Variants in STOX2 observed in about 807,000 individuals in gnomAD.
The protein encoded by STOX2 is storkhead-box protein 2.
STOX2 carries 28 observed loss-of-function variants against 60.9 expected under a neutral mutation model. The observed-to-expected ratio is 0.46, with a 90% CI of 0.34 to 0.63. The LOEUF is 0.63. Ranked by LOEUF, STOX2 falls within the 30% of genes least tolerant of loss-of-function variation. The probability of loss-of-function intolerance (pLI) is 0.01; values close to 1 mark genes in which losing one functional copy is unlikely to be tolerated. For synonymous variants in STOX2, 472 were observed against 463.9 expected, an observed-to-expected ratio of 1.02 and a Z score of -0.22; for missense variants, 1,024 against 1,187.7, an observed-to-expected ratio of 0.86 and a Z score of 2.03.
At chr4:183,838,690 C>A (rs186115473) in intron 1 of STOX2, among the ~76,000 whole-genome samples, 1 of 152,184 alleles carries the variant, frequency 6.6e-6, no homozygotes, top group Non-Finnish European at 1.5e-5. Context: ...AACTGTGCTT[C>A]CCATTCCAGG....
chr4:183,984,262 GA>G (rs1732762149), intron 1 of STOX2, among the ~76,000 whole-genome samples: 1 of 152,190 alleles, frequency 6.6e-6, no homozygotes, highest in Non-Finnish European at 1.5e-5. Flanking sequence ...CCAGATTCTA[GA>G]ACAAGTTGGC....
intron 2 of STOX2, among the ~76,000 whole-genome samples, chr4:184,002,160 A>T (rs1733619120): frequency 6.6e-6 from 1 of 152,140 alleles, no homozygotes; most frequent in Non-Finnish European, 1.5e-5. Context: ...GACAATCTGG[A>T]AATTTGGTCT....
At chr4:183,871,261 C>G (rs1740683653) in intron 1 of STOX2, among the ~76,000 whole-genome samples, 1 of 152,184 alleles carries the variant, frequency 6.6e-6, no homozygotes, top group African/African-American at 2.4e-5. Flanking sequence ...AATAAGAATT[C>G]TTTGTCCTCT....
At chr4:184,006,780 G>A (rs186523915) in intron 2 of STOX2, among the ~76,000 whole-genome samples, 1,732 of 150,946 alleles carry the variant, frequency 0.011, 18 homozygotes, top group Non-Finnish European at 0.018. Context: ...ACTTTGGGAG[G>A]CCGAGGCGGG....
intron 1 of STOX2, among the ~76,000 whole-genome samples, chr4:183,936,272 G>A (rs1742587630): frequency 6.6e-6 from 1 of 152,128 alleles, no homozygotes; most frequent in Admixed American, 6.5e-5. Flanking sequence ...CTGTGCTGGG[G>A]AAGCTATAGC....
At chr4:183,972,825 C>T (rs1172982383) in intron 1 of STOX2, among the ~76,000 whole-genome samples, 2 of 151,578 alleles carry the variant, frequency 1.3e-5, no homozygotes, top group Non-Finnish European at 2.9e-5. Context: ...ACTGAGGTGT[C>T]ACAGATGTTG....
chr4:183,972,128 G>A (rs531224888), intron 1 of STOX2, among the ~76,000 whole-genome samples: 2 of 152,276 alleles, frequency 1.3e-5, no homozygotes, highest in African/African-American at 4.8e-5. Flanking sequence ...CCTGCACAGC[G>A]GCGTAGGGCT....
At position 183,943,649 on chromosome 4, in the gene STOX2, C is replaced by T. The variant is rs576479436; in HGVS notation, c.166+36693C>T. Among the ~76,000 whole-genome samples, 8 of 152,302 alleles carry T rather than the reference C, an allele frequency of 5.3e-5. No homozygotes were observed. In the East Asian group the frequency reaches 1.5e-3, roughly 29 times the overall value. Reference sequence around the variant, plus strand: ...TTAAAAAAGAAATCTCAGGCCAAGGCAGGCAAATCACGAGGTCAGGAGTTC... The same window carrying T: ...TTAAAAAAGAAATCTCAGGCCAAGGTAGGCAAATCACGAGGTCAGGAGTTC... On this transcript the variant is annotated intron_variant, in intron 1 of 3. Transcript: ENST00000308497.
At chr4:183,910,130 GT>G (rs1343552158) in intron 1 of STOX2, among the ~76,000 whole-genome samples, 2 of 152,204 alleles carry the variant, frequency 1.3e-5, no homozygotes, top group Non-Finnish European at 2.9e-5. Flanking sequence ...CCCAGTGGTG[GT>G]TTCTGGGCAG....
rs1219165260 is a variant in STOX2, at chr4:184,018,134, A to G, written c.*850A>G. ...TGGACTTGTAAAAGGTGTTACTCAAATATTGAAGGAAGAGAATTTCCTCCT... is the reference window on the plus strand; with the variant it reads ...TGGACTTGTAAAAGGTGTTACTCAAGTATTGAAGGAAGAGAATTTCCTCCT... On this transcript the variant is annotated 3_prime_UTR_variant, in exon 4 of 4. Transcript: ENST00000308497. 1 of 152,248 alleles carries G rather than the reference A, an allele frequency of 6.6e-6. No homozygotes were observed. The highest frequency in any genetic ancestry group is 2.1e-4 in the South Asian group (1 of 4,834). The allele number at this position is 152,248 out of a possible 1,614,324, so 9.4% of individuals were successfully genotyped here. A position where few individuals can be genotyped will look rare whatever the true frequency, so the allele number is the denominator to read the frequency against.
chr4:183,955,630 T>A (rs1437787527), intron 1 of STOX2, among the ~76,000 whole-genome samples: 1 of 152,216 alleles, frequency 6.6e-6, no homozygotes, highest in Non-Finnish European at 1.5e-5. Flanking sequence ...CTAGGCCCCA[T>A]GTCTTCCTGT....
rs1182122602 is a variant in STOX2 at position 183,836,597 on chromosome 4, ATGGGAAGGGATC to A, written c.364+38550_364+38561del. Among the ~76,000 whole-genome samples, 1 of 152,178 alleles carries A rather than the reference ATGGGAAGGGATC, an allele frequency of 6.6e-6. No homozygotes were observed. The highest frequency in any genetic ancestry group is 1.5e-5 in the Non-Finnish European group (1 of 68,038). On this transcript the variant is annotated intron_variant, in intron 1 of 2. Transcript: ENST00000513034. This position sits in a 1 kb window ranked among gnomAD's most constrained non-coding sequence, Gnocchi z 4.1. ...AGACCCCATCACATGGCCCCATACAATGGGAAGGGATCTGGGAAGTGCAGTCTTCCATGTCCT... is the reference window on the plus strand; with the variant it reads ...AGACCCCATCACATGGCCCCATACAATGGGAAGTGCAGTCTTCCATGTCCT...
chr4:183,924,949 G>C (rs914987102), intron 1 of STOX2, among the ~76,000 whole-genome samples: 1 of 152,170 alleles, frequency 6.6e-6, no homozygotes, highest in Non-Finnish European at 1.5e-5. Flanking sequence ...CCGTGAATTT[G>C]TGGTGGCCTT....
chr4:184,006,061 T>A (rs1037643657), intron 2 of STOX2, among the ~76,000 whole-genome samples: 3 of 152,320 alleles, frequency 2.0e-5, no homozygotes, highest in Admixed American at 6.5e-5. Context: ...ATTGTAGTCA[T>A]AATTCTATAC....
chr4:183,928,362 CA>C (rs980028722), intron 1 of STOX2, among the ~76,000 whole-genome samples: 1 of 151,994 alleles, frequency 6.6e-6, no homozygotes, highest in Admixed American at 6.6e-5. Context: ...AATGAAACAG[CA>C]AAAAAACCAC....
chr4:183,816,732 G>C (rs1299801960), intron 1 of STOX2, among the ~76,000 whole-genome samples: 1 of 152,166 alleles, frequency 6.6e-6, no homozygotes, highest in African/African-American at 2.4e-5. Context: ...ACATGAGATG[G>C]AATGGAACTG....
intron 1 of STOX2, chr4:183,798,558 A>C: frequency 1.1e-6 from 1 of 929,888 alleles, no homozygotes; most frequent in Non-Finnish European, 1.3e-6. Flanking sequence ...CGCGCCGGGA[A>C]GCTAGGGTTG....
At chr4:183,819,168 T>C (rs1214831532) in intron 1 of STOX2, among the ~76,000 whole-genome samples, 4 of 152,118 alleles carry the variant, frequency 2.6e-5, no homozygotes, top group Non-Finnish European at 4.4e-5. Context: ...GCTGCAATCT[T>C]GGCACTTTGG....
rs1741629083 is a variant in STOX2 at position 183,906,813 on chromosome 4, C to T, written c.23C>T (p.Thr8Ile). 1.3e-6 allele frequency: 2 copies of T among 1,558,558 alleles called. No individual in the cohort carries two copies. The highest frequency in any genetic ancestry group is 1.7e-6 in the Non-Finnish European group (2 of 1,151,618). ...ACCATGAAGAAGACCCGGAGCACAA[C>T]CTTGCGGCGAGCCTGGCCTAGCTCG... MKKTRST[T>I]LRRAWPSSDF... The change falls in exon 1 of 4, where the codon ACC becomes ATC. Residue 8 changes from threonine to isoleucine, a missense_variant. Coordinates refer to ENST00000308497, the MANE Select transcript of STOX2 (RefSeq NM_020225.3).
Sources: gnomAD v4.1 joint callset for allele counts (sites outside exome capture counted in the v4.1 genomes callset) on GRCh38, gnomAD v4.1.1 for gene constraint, Gnocchi (gnomAD v3.1) non-coding constraint, MANE v1.5 for transcripts, NCBI Gene and HGNC (gene_info 2026-07-23, HGNC 2026-07-21) for gene names.